LMBR1: variants seen among roughly 807,000 people sequenced by gnomAD.
LMBR1 encodes limb development membrane protein 1.
LMBR1 carries 52 observed loss-of-function variants against 73.9 expected under a neutral mutation model. The ratio of observed to expected loss-of-function variants is 0.70; its 90% confidence interval spans 0.56 to 0.89. The LOEUF is 0.89. Ranked by LOEUF, LMBR1 falls within the 40% of genes least tolerant of loss-of-function variation. LMBR1 has a pLI of 0.00. For missense variants in LMBR1, 539 were observed against 579.8 expected, an observed-to-expected ratio of 0.93 and a Z score of 0.72; for synonymous variants, 215 against 209.4, an observed-to-expected ratio of 1.03 and a Z score of -0.23.
downstream of LMBR1, chr7:156,677,279 T>C (rs1804243562): frequency 6.6e-6 from 1 of 152,310 alleles, no homozygotes; most frequent in South Asian, 2.1e-4. Flanking sequence ...TACAGTCTCA[T>C]CGGTTAGGTT....
chr7:156,846,801 T>C (rs1043765486), intron 1 of LMBR1, among the ~76,000 whole-genome samples: 1 of 152,146 alleles, frequency 6.6e-6, no homozygotes, highest in Non-Finnish European at 1.5e-5. Context: ...AACAATGTAT[T>C]GTATAGTTCA....
Position 156,763,709 on chromosome 7 carries a change from T to C in LMBR1, c.510A>G (p.Ala170=). Residue 170 remains alanine (A), a synonymous_variant, in exon 6 of 17, where the codon GCA becomes GCG. Coordinates refer to ENST00000353442, the MANE Select transcript of LMBR1 (RefSeq NM_022458.4). ...TGCTTGCGGCATCGTTGTCAATGAGTGCTGAAGCTACCCACACTATCCCAA... is the reference window on the plus strand; with the variant it reads ...TGCTTGCGGCATCGTTGTCAATGAGCGCTGAAGCTACCCACACTATCCCAA... ...LILGIVWVAS[A]LIDNDAASME... is the part of the protein sequence containing the mutation. 1.9e-6 allele frequency: 3 copies of C among 1,603,810 alleles called. No individual in the cohort carries two copies. The highest frequency in any genetic ancestry group is 2.5e-6 in the Non-Finnish European group (3 of 1,177,704).
chr7:156,695,698 A>G lies in LMBR1; in HGVS notation c.1226-7507T>C, dbSNP rs186334536. Among the ~76,000 whole-genome samples the G allele has an allele frequency of 1.8e-4, 27 of 152,276 alleles. No homozygotes were observed. The East Asian group carries it at 5.2e-3, about 29-fold the overall frequency. ...CCCACCTCCAACACTGGGAATCACA[A>G]CTGAACATGAGATCTGGGTGAGGAC... On this transcript the variant is annotated intron_variant, in intron 15 of 16. Coordinates refer to ENST00000353442, the MANE Select transcript of LMBR1 (RefSeq NM_022458.4).
At chr7:156,696,474 T>A (rs1808305077) in intron 15 of LMBR1, among the ~76,000 whole-genome samples, 1 of 152,150 alleles carries the variant, frequency 6.6e-6, no homozygotes, top group African/African-American at 2.4e-5. Context: ...GATAAAGACA[T>A]ACCCGAGACT....
chr7:156,877,346 C>A (rs1292341234), intron 1 of LMBR1, among the ~76,000 whole-genome samples: 1 of 151,898 alleles, frequency 6.6e-6, no homozygotes, highest in Non-Finnish European at 1.5e-5. Context: ...GGTACCAATC[C>A]TATCGACACT....
At chr7:156,756,995 T>G (rs1290956065) in intron 8 of LMBR1, among the ~76,000 whole-genome samples, 3 of 152,256 alleles carry the variant, frequency 2.0e-5, no homozygotes, top group Non-Finnish European at 4.4e-5. Flanking sequence ...TTTTGTATTT[T>G]TAGTAGAGAC....
intron 4 of LMBR1, among the ~76,000 whole-genome samples, chr7:156,815,760 T>C (rs550295777): frequency 3.3e-5 from 5 of 152,270 alleles, no homozygotes; most frequent in African/African-American, 9.6e-5. Flanking sequence ...GCCTCAAATA[T>C]TGCTCTCAAA....
chr7:156,828,965 T>C (rs1215170274), intron 3 of LMBR1, among the ~76,000 whole-genome samples: 1 of 152,210 alleles, frequency 6.6e-6, no homozygotes, highest in East Asian at 1.9e-4. Flanking sequence ...CATTCCTTAT[T>C]TGGAAAGAGA....
At chr7:156,734,293 A>G in intron 9 of LMBR1, 36 bp from the exon 10 acceptor site, 1 of 1,381,090 alleles carries the variant, frequency 7.2e-7, no homozygotes, top group Non-Finnish European at 1.0e-6. Context: ...AGTAAAACAG[A>G]ACCCCTAACA....
At chr7:156,700,857 A>G (rs981860661) in intron 15 of LMBR1, among the ~76,000 whole-genome samples, 3 of 152,164 alleles carry the variant, frequency 2.0e-5, no homozygotes, top group Admixed American at 1.3e-4. Context: ...TGCTGCTGCT[A>G]AAGACACACC....
chr7:156,742,972 A>T (rs1271944542), intron 9 of LMBR1, among the ~76,000 whole-genome samples: 5 of 152,238 alleles, frequency 3.3e-5, no homozygotes, highest in Non-Finnish European at 7.3e-5. Flanking sequence ...GATACATCAT[A>T]TCAATGGAAT....
chr7:156,859,924 A>C (rs1251267138), intron 1 of LMBR1, among the ~76,000 whole-genome samples: 3 of 152,234 alleles, frequency 2.0e-5, no homozygotes, highest in African/African-American at 4.8e-5. Context: ...CAAGACTATG[A>C]TTTTGGTGAA....
chr7:156,674,850 GT>G (rs1193938499), downstream of LMBR1, among the ~76,000 whole-genome samples: 1 of 152,198 alleles, frequency 6.6e-6, no homozygotes, highest in Non-Finnish European at 1.5e-5. Flanking sequence ...CTCACAGTAT[GT>G]TTCTATGGGA....
At chr7:156,888,181 C>T (rs530831823) in intron 1 of LMBR1, among the ~76,000 whole-genome samples, 9 of 151,222 alleles carry the variant, frequency 6.0e-5, no homozygotes, top group East Asian at 2.0e-4. Context: ...GAGGCTGAGG[C>T]GGGCGAATCA....
At chr7:156,801,240 T>C (rs1183565423) in intron 4 of LMBR1, among the ~76,000 whole-genome samples, 2 of 152,140 alleles carry the variant, frequency 1.3e-5, no homozygotes, top group African/African-American at 2.4e-5. Flanking sequence ...TTTTAAGAAA[T>C]TGCCACGGTC....
chr7:156,714,544 T>C (rs760106648), intron 15 of LMBR1, among the ~76,000 whole-genome samples: 3 of 152,250 alleles, frequency 2.0e-5, no homozygotes, highest in Non-Finnish European at 2.9e-5. Flanking sequence ...GGGTCAGGTA[T>C]AGATCGTATG....
chr7:156,833,733 C>T lies in LMBR1; in HGVS notation c.179+20G>A, dbSNP rs977300420. The T allele has an allele frequency of 7.0e-6, 11 of 1,577,798 alleles. No individual in the cohort carries two copies. The highest frequency in any genetic ancestry group is 9.5e-6 in the Non-Finnish European group (11 of 1,157,308). On this transcript the variant is annotated intron_variant, in intron 3 of 16. Coordinates refer to ENST00000353442, the MANE Select transcript of LMBR1 (RefSeq NM_022458.4). ...GACTTCAGAATCAGAAACAGAACAA[C>T]TGAACTTTAAAATACATACGAAATC...
chr7:156,804,760 G>A (rs1254394403), intron 4 of LMBR1, among the ~76,000 whole-genome samples: 1 of 151,806 alleles, frequency 6.6e-6, no homozygotes, highest in African/African-American at 2.4e-5. Context: ...TATAAGGTAT[G>A]TGATTTGTCA....
rs1006526626 is a variant in LMBR1, at chr7:156,685,847, T to A, written c.1388-1684A>T. 6.6e-6 allele frequency among the ~76,000 whole-genome samples: 1 copy of A among 152,228 alleles called. No homozygotes were observed. Among genetic ancestry groups the A allele is most frequent in the Admixed American group, 6.5e-5 (1 of 15,282 alleles). Reference sequence around the variant, plus strand: ...TGGAAAAGATTTTTCTCCCTAAAATTTCACATGGTAACTGACCTATTAGGC... The same window carrying A: ...TGGAAAAGATTTTTCTCCCTAAAATATCACATGGTAACTGACCTATTAGGC... On this transcript the variant is annotated intron_variant, in intron 16 of 16. Coordinates refer to ENST00000353442, the MANE Select transcript of LMBR1 (RefSeq NM_022458.4). The surrounding 1 kb of genome is among the most constrained non-coding windows in gnomAD (Gnocchi z 4.1).
Sources: allele counts gnomAD v4.1 joint callset (sites outside exome capture counted in the v4.1 genomes callset), GRCh38; gene constraint gnomAD v4.1.1; non-coding constraint Gnocchi (gnomAD v3.1); transcripts MANE v1.5; gene names NCBI Gene and HGNC (gene_info 2026-07-23, HGNC 2026-07-21).